The following MIPOL1 variants were observed in gnomAD, a reference collection of about 807,000 sequenced individuals.
MIPOL1 encodes the protein mirror-image polydactyly gene 1 protein.
A neutral mutation model predicts 60.9 loss-of-function variants in MIPOL1; 57 were observed. That is an observed-to-expected ratio of 0.94 (90% CI 0.76 to 1.17). MIPOL1 has a LOEUF of 1.17. MIPOL1 is among the 50% of genes most tolerant of loss of function. The pLI, the probability that MIPOL1 is intolerant of heterozygous loss-of-function variation, is 0.00. For missense variants in MIPOL1, 551 were observed against 511.6 expected (o/e 1.08, Z -0.74); for synonymous variants, 179 against 168.8 (o/e 1.06, Z -0.47).
intron 9 of MIPOL1, among the ~76,000 whole-genome samples, chr14:37,323,040 A>G (rs1248852851): frequency 2.0e-5 from 3 of 152,082 alleles, no homozygotes; most frequent in Non-Finnish European, 4.4e-5. Context: ...TTAGTCATGA[A>G]GTCTTTGCCC....
intron 7 of MIPOL1, among the ~76,000 whole-genome samples, chr14:37,306,051 A>G (rs1190494342): frequency 6.6e-6 from 1 of 151,916 alleles, no homozygotes; most frequent in African/African-American, 2.4e-5. Flanking sequence ...ATAGCCCTTG[A>G]TAAGAACTTT....
At chr14:37,237,373 G>A (rs536480923) in intron 1 of MIPOL1, among the ~76,000 whole-genome samples, 24 of 152,296 alleles carry the variant, frequency 1.6e-4, no homozygotes, top group African/African-American at 4.8e-4. Flanking sequence ...TGGGGGAAGA[G>A]CAAGTGAATA....
At chr14:37,227,120 A>G (rs531209895) in intron 1 of MIPOL1, among the ~76,000 whole-genome samples, 77 of 152,290 alleles carry the variant, frequency 5.1e-4, no homozygotes, top group Non-Finnish European at 1.8e-4. Flanking sequence ...AAACAACACA[A>G]ATTTATTATC....
chr14:37,500,427 A>G (rs1254057781), intron 12 of MIPOL1, among the ~76,000 whole-genome samples: 1 of 152,126 alleles, frequency 6.6e-6, no homozygotes, highest in Non-Finnish European at 1.5e-5. Context: ...GTCACAAGTT[A>G]ATAGGCAAAG....
intron 11 of MIPOL1, among the ~76,000 whole-genome samples, chr14:37,468,003 G>A (rs1013217766): frequency 6.7e-6 from 1 of 149,654 alleles, no homozygotes; most frequent in Non-Finnish European, 1.5e-5. Context: ...GTAGTGAGCC[G>A]AGATCATGCC....
At chr14:37,311,758 T>C (rs962073974) in intron 9 of MIPOL1, among the ~76,000 whole-genome samples, 6 of 152,188 alleles carry the variant, frequency 3.9e-5, no homozygotes, top group African/African-American at 9.6e-5. Context: ...TCTTAAATCA[T>C]TGTGATATGT....
chr14:37,268,638 A>C lies in MIPOL1; in HGVS notation c.252-20A>C. On this transcript the variant is annotated intron_variant, in intron 4 of 12. Coordinates refer to ENST00000684589, the MANE Select transcript of MIPOL1 (RefSeq NM_001388067.1). ...TTAGTTTATCTTACTCTGAAATGTT[A>C]ATCAGTTTCTTTATTACAGCGTTAT... The C allele has an allele frequency of 6.4e-7, 1 of 1,552,322 alleles. No individual in the cohort carries two copies. The highest frequency in any genetic ancestry group is 8.7e-7 in the Non-Finnish European group (1 of 1,149,940).
chr14:37,237,154 CA>C (rs1411556292), intron 1 of MIPOL1, among the ~76,000 whole-genome samples: 1 of 152,126 alleles, frequency 6.6e-6, no homozygotes, highest in African/African-American at 2.4e-5. Flanking sequence ...TGTCACTTTG[CA>C]GCCTGTACAA....
At chr14:37,369,272 AT>A (rs1231442470) in intron 9 of MIPOL1, among the ~76,000 whole-genome samples, 14 of 152,112 alleles carry the variant, frequency 9.2e-5, no homozygotes, top group African/African-American at 3.4e-4. Context: ...TTATAAAACT[AT>A]TTTTGTGATT....
At chr14:37,308,142 T>C in intron 8 of MIPOL1, 53 bp downstream of exon 8, 1 of 1,521,146 alleles carries the variant, frequency 6.6e-7, no homozygotes, top group South Asian at 1.2e-5. Context: ...TCTTAGAGGC[T>C]TAAGTTCAAT....
rs545571797 is a variant in MIPOL1, at chr14:37,234,936, C to T, written c.-198-12167C>T. Among the ~76,000 whole-genome samples, 923 of 146,070 alleles carry T rather than the reference C, an allele frequency of 6.3e-3. 9 individuals are homozygous for T. Among genetic ancestry groups the T allele is most frequent in the Middle Eastern group, 0.039 (11 of 284 alleles). On this transcript the variant is annotated intron_variant, in intron 1 of 12. Coordinates refer to ENST00000684589, the MANE Select transcript of MIPOL1 (RefSeq NM_001388067.1). ...GACTGCAGGCGCCCACCACCACGTACGGCTAATTTTTTTTTTTTTTTTTTT... is the reference window on the plus strand; with the variant it reads ...GACTGCAGGCGCCCACCACCACGTATGGCTAATTTTTTTTTTTTTTTTTTT...
intron 10 of MIPOL1, among the ~76,000 whole-genome samples, chr14:37,410,678 A>T (rs2093667207): frequency 6.6e-6 from 1 of 152,178 alleles, no homozygotes; most frequent in South Asian, 2.1e-4. Context: ...ACATTTTAAA[A>T]ATAGCAAATA....
At chr14:37,222,912 T>C (rs7149939) in intron 1 of MIPOL1, among the ~76,000 whole-genome samples, 68,465 of 152,008 alleles carry the variant, frequency 0.45, 17,907 homozygotes, top group African/African-American at 0.73. Flanking sequence ...CTCCTTGGTA[T>C]TGTGCTACTA....
chr14:37,334,067 AAAT>A (rs1162171694), intron 9 of MIPOL1, among the ~76,000 whole-genome samples: 1 of 152,106 alleles, frequency 6.6e-6, no homozygotes, highest in Non-Finnish European at 1.5e-5. Flanking sequence ...AACACCTTTT[AAAT>A]AATTCAAGGA....
intron 4 of MIPOL1, among the ~76,000 whole-genome samples, chr14:37,267,659 A>G (rs1428208819): frequency 6.6e-6 from 1 of 152,144 alleles, no homozygotes; most frequent in Non-Finnish European, 1.5e-5. Flanking sequence ...TAATATGTCT[A>G]GTTAACTAAG....
At chr14:37,201,662 T>G (rs1020885955) in intron 1 of MIPOL1, among the ~76,000 whole-genome samples, 1 of 152,216 alleles carries the variant, frequency 6.6e-6, no homozygotes, top group Non-Finnish European at 1.5e-5. Context: ...TGACACCTCT[T>G]CCCAGGATGG....
intron 3 of MIPOL1, among the ~76,000 whole-genome samples, chr14:37,263,795 AAG>A (rs1460171519): frequency 6.6e-6 from 1 of 152,226 alleles, no homozygotes; most frequent in Non-Finnish European, 1.5e-5. Context: ...TGGATTACTA[AAG>A]AGAGTTTCCG....
At chr14:37,265,807 A>T (rs546080573) in intron 3 of MIPOL1, among the ~76,000 whole-genome samples, 1 of 151,904 alleles carries the variant, frequency 6.6e-6, no homozygotes, top group Non-Finnish European at 1.5e-5. Context: ...GACCTAAAAC[A>T]TTTTTTTTAA....
chr14:37,500,272 C>T, intron 12 of MIPOL1, 134 bp downstream of exon 12: 1 of 696,312 alleles, frequency 1.4e-6, no homozygotes, highest in South Asian at 2.3e-5. Context: ...ACCCAGTGAA[C>T]TTTTTTAGAT....
Sources: gnomAD v4.1 joint callset for allele counts (sites outside exome capture counted in the v4.1 genomes callset) on GRCh38, gnomAD v4.1.1 for gene constraint, MANE v1.5 for transcripts, NCBI Gene and HGNC (gene_info 2026-07-23, HGNC 2026-07-21) for gene names.